The following KCND2 variants were observed in gnomAD, a reference collection of about 807,000 sequenced individuals.
KCND2 encodes potassium voltage-gated channel subfamily D member 2.
A neutral mutation model predicts 54.4 loss-of-function variants in KCND2; 16 were observed. The ratio of observed to expected loss-of-function variants is 0.29; its 90% CI spans 0.20 to 0.45. The LOEUF (loss-of-function observed/expected upper bound fraction) is 0.45, where lower values mean the gene tolerates loss of function less well. Ranked by LOEUF, KCND2 falls within the 20% of genes least tolerant of loss-of-function variation. KCND2 has a pLI of 1.00. For synonymous variants in KCND2, 317 were observed against 310.7 expected (o/e 1.02, Z -0.21); for missense variants, 486 against 824.2 (o/e 0.59, Z 5.02).
intron 1 of KCND2, among the ~76,000 whole-genome samples, chr7:120,316,154 C>G (rs1799808538): frequency 1.3e-5 from 2 of 152,054 alleles, no homozygotes; most frequent in Non-Finnish European, 2.9e-5. Flanking sequence ...TTTTAGAAAC[C>G]TAAAAGAAAA....
intron 1 of KCND2, among the ~76,000 whole-genome samples, chr7:120,524,727 G>A (rs1341262458): frequency 2.6e-5 from 4 of 152,068 alleles, no homozygotes; most frequent in Non-Finnish European, 5.9e-5. Flanking sequence ...CTAACACTTG[G>A]ATTAGTCAAT....
chr7:120,664,799 A>G (rs1397781261), intron 1 of KCND2, among the ~76,000 whole-genome samples: 3 of 152,074 alleles, frequency 2.0e-5, no homozygotes, highest in Admixed American at 6.6e-5. Context: ...TTAGTGATTC[A>G]GTAATTATTC....
At chr7:120,361,684 G>T (rs1404418039) in intron 1 of KCND2, among the ~76,000 whole-genome samples, 1 of 152,008 alleles carries the variant, frequency 6.6e-6, no homozygotes, top group African/African-American at 2.4e-5. Flanking sequence ...GGCGAAGGCA[G>T]AGTGTTTAAA....
chr7:120,489,201 TA>T (rs1016869231), intron 1 of KCND2, among the ~76,000 whole-genome samples: 31 of 151,942 alleles, frequency 2.0e-4, no homozygotes, highest in African/African-American at 5.8e-4. Context: ...AATTCTTACA[TA>T]AAAAAAGCCT....
At chr7:120,469,656 T>A (rs1410818970) in intron 1 of KCND2, among the ~76,000 whole-genome samples, 1 of 151,890 alleles carries the variant, frequency 6.6e-6, no homozygotes, top group Non-Finnish European at 1.5e-5. Context: ...TATGACAGAG[T>A]CGAAAACCAA....
chr7:120,367,160 A>G (rs767115667), intron 1 of KCND2, among the ~76,000 whole-genome samples: 1 of 152,138 alleles, frequency 6.6e-6, no homozygotes, highest in Non-Finnish European at 1.5e-5. Flanking sequence ...GCTACAGACA[A>G]GAAACCTGGA....
intron 1 of KCND2, among the ~76,000 whole-genome samples, chr7:120,287,359 A>G (rs1799361153): frequency 6.6e-6 from 1 of 152,162 alleles, no homozygotes; most frequent in African/African-American, 2.4e-5. Flanking sequence ...CATCAGGATT[A>G]GGATTACCTG....
intron 1 of KCND2, among the ~76,000 whole-genome samples, chr7:120,277,190 AT>A (rs1214704037): frequency 6.6e-6 from 1 of 152,092 alleles, no homozygotes; most frequent in South Asian, 2.1e-4. Context: ...ATTTAGTCTC[AT>A]TTTTTTAAAG....
intron 1 of KCND2, among the ~76,000 whole-genome samples, chr7:120,336,365 G>A (rs1052186597): frequency 1.3e-5 from 2 of 152,110 alleles, no homozygotes; most frequent in East Asian, 1.9e-4. Context: ...TTTCTTTTTA[G>A]GGTCATATAT....
intron 1 of KCND2, among the ~76,000 whole-genome samples, chr7:120,708,338 C>A (rs1026898682): frequency 6.6e-6 from 1 of 152,048 alleles, no homozygotes; most frequent in African/African-American, 2.4e-5. Flanking sequence ...ATGAGAAGAG[C>A]TGAACGAGTA....
chr7:120,701,439 G>C (rs964653191), intron 1 of KCND2, among the ~76,000 whole-genome samples: 1 of 152,026 alleles, frequency 6.6e-6, no homozygotes, highest in African/African-American at 2.4e-5. Context: ...TGGAAATTAG[G>C]ATAGCCAAGT....
At chr7:120,285,303 T>C (rs1298382994) in intron 1 of KCND2, among the ~76,000 whole-genome samples, 2 of 152,072 alleles carry the variant, frequency 1.3e-5, no homozygotes, top group African/African-American at 4.8e-5. Flanking sequence ...CCTGAAAATA[T>C]CTCACAAGAC....
intron 1 of KCND2, among the ~76,000 whole-genome samples, chr7:120,585,317 G>A (rs1792579207): frequency 6.6e-6 from 1 of 152,090 alleles, no homozygotes. Context: ...GGGGATGGGG[G>A]GTGGAGTGTG....
At chr7:120,426,789 T>G (rs1424800958) in intron 1 of KCND2, among the ~76,000 whole-genome samples, 1 of 151,940 alleles carries the variant, frequency 6.6e-6, no homozygotes, top group Non-Finnish European at 1.5e-5. Flanking sequence ...GCCCGGCTAA[T>G]TTTTTGAATT....
In KCND2 at chr7:120,417,078, C is replaced by A. The variant is rs556443682; in HGVS notation, c.1115+141331C>A. On this transcript the variant is annotated intron_variant, in intron 1 of 5. Coordinates refer to ENST00000331113, the MANE Select transcript of KCND2 (RefSeq NM_012281.3). ...CCAGGCTGGTCTCAAAACTCCTGAC[C>A]TCAAGTGATCCACCTGCCTCAGTCT... 1.3e-5 allele frequency among the ~76,000 whole-genome samples: 2 copies of A among 152,296 alleles called. 1 individual carries two copies. The highest frequency in any genetic ancestry group is 4.1e-4 in the South Asian group (2 of 4,832).
At chr7:120,683,272 A>G (rs1196073449) in intron 1 of KCND2, among the ~76,000 whole-genome samples, 2 of 152,008 alleles carry the variant, frequency 1.3e-5, no homozygotes, top group East Asian at 3.9e-4. Flanking sequence ...ACAAATGGAG[A>G]TGGAGGAGGT....
chr7:120,578,241 T>A (rs1411896971), intron 1 of KCND2, among the ~76,000 whole-genome samples: 2 of 152,064 alleles, frequency 1.3e-5, no homozygotes, highest in Non-Finnish European at 2.9e-5. Context: ...TGAGCCATGA[T>A]CAAGCCACTG....
chr7:120,536,005 C>T (rs1584817773), intron 1 of KCND2, among the ~76,000 whole-genome samples: 2 of 152,070 alleles, frequency 1.3e-5, no homozygotes, highest in East Asian at 3.9e-4. Flanking sequence ...GTAATGTGGC[C>T]ACTAGTTAAG....
intron 1 of KCND2, among the ~76,000 whole-genome samples, chr7:120,483,148 T>C (rs1216303325): frequency 6.6e-6 from 1 of 152,190 alleles, no homozygotes; most frequent in Non-Finnish European, 1.5e-5. Context: ...TTATCGATTA[T>C]GGACTGAACT....
Sources: gnomAD v4.1 joint callset for allele counts (sites outside exome capture counted in the v4.1 genomes callset) on GRCh38, gnomAD v4.1.1 for gene constraint, MANE v1.5 for transcripts, NCBI Gene and HGNC (gene_info 2026-07-23, HGNC 2026-07-21) for gene names.